The following NCAM1 variants were observed in gnomAD, a reference collection of about 807,000 sequenced individuals.
NCAM1 encodes neural cell adhesion molecule 1, also known as antigen recognized by monoclonal antibody 5.1H11.
In NCAM1, 14 loss-of-function variants were observed where a neutral mutation model predicts 109.8. The ratio of observed to expected loss-of-function variants is 0.13; its 90% CI spans 0.08 to 0.20. The LOEUF (loss-of-function observed/expected upper bound fraction) is 0.20, where lower values mean the gene tolerates loss of function less well. NCAM1 is among the 10% of genes least tolerant of loss of function. The pLI, the probability that NCAM1 is intolerant of heterozygous loss-of-function variation, is 1.00. For missense variants in NCAM1, 774 were observed against 1,109.9 expected, an observed-to-expected ratio of 0.70 and a Z score of 4.30; for synonymous variants, 418 against 442.9, an observed-to-expected ratio of 0.94 and a Z score of 0.70.
intron 1 of NCAM1, among the ~76,000 whole-genome samples, chr11:113,070,385 C>T (rs529907316): frequency 6.6e-6 from 1 of 152,170 alleles, no homozygotes; most frequent in East Asian, 1.9e-4. Flanking sequence ...AAACATCATT[C>T]CTCCAAGAAG....
chr11:113,075,055 G>GT (rs1565420470), intron 1 of NCAM1, among the ~76,000 whole-genome samples: 1 of 151,982 alleles, frequency 6.6e-6, no homozygotes, highest in African/African-American at 2.4e-5. Flanking sequence ...GCCCCGCTCT[G>GT]TGTTGTTGTT....
chr11:113,046,799 GAA>G (rs373170322), intron 1 of NCAM1, among the ~76,000 whole-genome samples: 5 of 135,774 alleles, frequency 3.7e-5, no homozygotes, highest in Non-Finnish European at 8.0e-5. Context: ...AAAGAAGAAA[GAA>G]AAGAGAGAGA....
chr11:113,155,615 G>A (rs1555103337), intron 1 of NCAM1, among the ~76,000 whole-genome samples: 1 of 152,098 alleles, frequency 6.6e-6, no homozygotes, highest in Non-Finnish European at 1.5e-5. Flanking sequence ...AAATTGAGGA[G>A]CTTTGAGGCT....
At chr11:113,185,481 G>C (rs1306908208) in intron 1 of NCAM1, among the ~76,000 whole-genome samples, 1 of 152,090 alleles carries the variant, frequency 6.6e-6, no homozygotes, top group African/African-American at 2.4e-5. Context: ...TCAGAACAAT[G>C]TTTGACCAAA....
In NCAM1 at chr11:113,214,361, CT is replaced by C. The variant is rs1555114057; in HGVS notation, c.917-4del. On this transcript the variant is annotated splice_region_variant and splice_polypyrimidine_tract_variant and intron_variant, in intron 7 of 19. Transcript: ENST00000316851. ...AGATAAACTCAGAGAAATGTTTTGT[CT>C]TTTCAGCAAAACCCAAAATCACATA... 1 of 1,613,328 alleles carries C rather than the reference CT, an allele frequency of 6.2e-7. No individual in the cohort carries two copies. The highest frequency in any genetic ancestry group is 1.1e-5 in the South Asian group (1 of 90,916).
chr11:112,961,588 C>A lies in NCAM1; in HGVS notation c.-25C>A. ...GGCACAGAATTTACCGCGGCAAGAACATCCCTCCCAGCCAGCAGATTACAA... is the reference window on the plus strand; with the variant it reads ...GGCACAGAATTTACCGCGGCAAGAAAATCCCTCCCAGCCAGCAGATTACAA... On this transcript the variant is annotated 5_prime_UTR_variant, in exon 1 of 20. Transcript: ENST00000316851. 7.1e-7 allele frequency: 1 copy of A among 1,413,660 alleles called. No individual in the cohort carries two copies. Among genetic ancestry groups the A allele is most frequent in the Non-Finnish European group, 1.0e-6 (1 of 999,720 alleles). The allele number at this position is 1,413,660 out of a possible 1,614,324, so 87.6% of individuals were successfully genotyped here. A position where few individuals can be genotyped will look rare whatever the true frequency, so the allele number is the denominator to read the frequency against.
chr11:113,176,026 A>G (rs1355592820), intron 1 of NCAM1, among the ~76,000 whole-genome samples: 1 of 152,184 alleles, frequency 6.6e-6, no homozygotes, highest in Non-Finnish European at 1.5e-5. Context: ...ATACATAACT[A>G]GTATAAAATA....
chr11:112,971,857 A>G (rs927991921), intron 1 of NCAM1, among the ~76,000 whole-genome samples: 3 of 152,168 alleles, frequency 2.0e-5, no homozygotes, highest in African/African-American at 7.2e-5. Flanking sequence ...ATTATATAAA[A>G]ATCAAATTTT....
At chr11:113,178,424 G>A (rs1030550078) in intron 1 of NCAM1, among the ~76,000 whole-genome samples, 2 of 152,168 alleles carry the variant, frequency 1.3e-5, no homozygotes, top group Non-Finnish European at 2.9e-5. Context: ...TTGGAGTTCC[G>A]ATGTGTATTT....
chr11:113,141,417 G>A (rs1381232497), intron 1 of NCAM1, among the ~76,000 whole-genome samples: 6 of 152,188 alleles, frequency 3.9e-5, no homozygotes, highest in African/African-American at 1.4e-4. Flanking sequence ...AGATCATGAG[G>A]TCAGGAGATC....
chr11:113,084,801 C>A (rs782686248), intron 1 of NCAM1, among the ~76,000 whole-genome samples: 45 of 152,216 alleles, frequency 3.0e-4, no homozygotes, highest in Non-Finnish European at 4.0e-4. Flanking sequence ...TCTGCCCAAG[C>A]AGCTTACTTC....
intron 19 of NCAM1, among the ~76,000 whole-genome samples, chr11:113,272,525 A>G (rs1401414076): frequency 6.6e-6 from 1 of 152,080 alleles, no homozygotes; most frequent in African/African-American, 2.4e-5. Context: ...AGCTGGGCCC[A>G]GTTCCTCTGG....
chr11:113,001,254 G>T (rs1402623136), intron 1 of NCAM1, among the ~76,000 whole-genome samples: 1 of 152,140 alleles, frequency 6.6e-6, no homozygotes, highest in Non-Finnish European at 1.5e-5. Context: ...TGTAGACTGT[G>T]GGCTTTTGAA....
intron 1 of NCAM1, among the ~76,000 whole-genome samples, chr11:112,970,991 A>G (rs1161522069): frequency 6.6e-6 from 1 of 152,116 alleles, no homozygotes; most frequent in Admixed American, 6.5e-5. Context: ...TATGATGGAG[A>G]AATTAAGAGA....
chr11:113,052,220 C>G (rs188505999), intron 1 of NCAM1, among the ~76,000 whole-genome samples: 2 of 152,206 alleles, frequency 1.3e-5, no homozygotes, highest in East Asian at 3.9e-4. Context: ...TGCTGCAAGT[C>G]GAGTCAATAA....
At chr11:113,113,142 TAAATA>T (rs1300888203) in intron 1 of NCAM1, among the ~76,000 whole-genome samples, 16 of 152,068 alleles carry the variant, frequency 1.1e-4, no homozygotes, top group East Asian at 1.9e-4. Context: ...TCAAAAAAAT[TAAATA>T]AAATAAAGTC....
At chr11:113,086,858 T>C (rs1347875824) in intron 1 of NCAM1, among the ~76,000 whole-genome samples, 1 of 152,176 alleles carries the variant, frequency 6.6e-6, no homozygotes, top group Non-Finnish European at 1.5e-5. Context: ...ATATAAATCA[T>C]AATCTCAATA....
chr11:113,219,359 T>G (rs1944622371), intron 8 of NCAM1, among the ~76,000 whole-genome samples: 2 of 152,246 alleles, frequency 1.3e-5, no homozygotes, highest in South Asian at 4.1e-4. Flanking sequence ...TCAGTCTGGT[T>G]TATCCAGCGT....
chr11:113,271,733 G>A, intron 18 of NCAM1, 27 bp from the exon 19 acceptor site: 2 of 1,533,184 alleles, frequency 1.3e-6, no homozygotes, highest in Non-Finnish European at 1.8e-6. Flanking sequence ...CTGCCCTAGG[G>A]TCTAACCAGC....
Sources: gnomAD v4.1 joint callset for allele counts (sites outside exome capture counted in the v4.1 genomes callset) on GRCh38, gnomAD v4.1.1 for gene constraint, MANE v1.5 for transcripts, NCBI Gene and HGNC (gene_info 2026-07-23, HGNC 2026-07-21) for gene names.